The following WBP2NL variants were observed in gnomAD, a reference collection of about 807,000 sequenced individuals.
WBP2NL encodes the protein postacrosomal sheath WW domain-binding protein.
Under a neutral mutation model 23.3 loss-of-function variants are expected in WBP2NL, and 27 were observed. That is an observed-to-expected ratio of 1.16 (90% CI 0.85 to 1.60). The LOEUF is 1.60. Ranked by LOEUF, WBP2NL falls within the 40% of genes most tolerant of loss-of-function variation. The pLI is 0.00. For synonymous variants in WBP2NL, 151 were observed against 145.9 expected, an observed-to-expected ratio of 1.03 and a Z score of -0.25; for missense variants, 370 against 389.5, an observed-to-expected ratio of 0.95 and a Z score of 0.42.
chr22:42,027,160 C>T lies in WBP2NL; in HGVS notation c.909C>T (p.Ser303=), dbSNP rs1363851936. The change falls in exon 6 of 6, where the codon TCC becomes TCT. Residue 303 remains serine, a synonymous_variant. Coordinates refer to ENST00000328823, the MANE Select transcript of WBP2NL (RefSeq NM_152613.3). ...ACGAGGCTTCTCTTCCCTCTGCCTC[C>T]TCTTCTCAGGTCCATTCTTAACCTT... ...PENEASLPSA[S]SSQVHS 1.2e-6 allele frequency: 2 copies of T among 1,613,432 alleles called. No individual in the cohort carries two copies. The highest frequency in any genetic ancestry group is 1.1e-5 in the South Asian group (1 of 91,062).
chr22:42,017,918 G>A (rs1218943884), intron 1 of WBP2NL, among the ~76,000 whole-genome samples: 1 of 152,078 alleles, frequency 6.6e-6, no homozygotes, highest in Non-Finnish European at 1.5e-5. Flanking sequence ...GGAGGTCGAG[G>A]CGGGCGGATC....
At chr22:42,040,736 C>T (rs1925372209) in intron 8 of WBP2NL, among the ~76,000 whole-genome samples, 1 of 152,050 alleles carries the variant, frequency 6.6e-6, no homozygotes, top group Non-Finnish European at 1.5e-5. Flanking sequence ...CTTTATGTTA[C>T]CGATTTCTAG....
chr22:42,020,203 C>A, intron 4 of WBP2NL, 107 bp downstream of exon 4: 2 of 1,152,288 alleles, frequency 1.7e-6, no homozygotes, highest in Non-Finnish European at 2.5e-6. Flanking sequence ...GTTTTTGAGA[C>A]AGGGATTTTT....
At chr22:42,050,942 C>T (rs549738399) in intron 8 of WBP2NL, among the ~76,000 whole-genome samples, 40 of 152,276 alleles carry the variant, frequency 2.6e-4, no homozygotes, top group African/African-American at 9.4e-4. Context: ...AACTGTCTTC[C>T]AAACTAAATA....
rs149545372 is a variant in WBP2NL, at chr22:42,056,958, G to A, written c.*274-1332G>A. Reference sequence around the variant, plus strand: ...TCTTATTGAGACTCCCTTGTGTGATGAGTTGCTTTTATCTTGCCTCTTTCA... The same window carrying A: ...TCTTATTGAGACTCCCTTGTGTGATAAGTTGCTTTTATCTTGCCTCTTTCA... On this transcript the variant is annotated intron_variant and NMD_transcript_variant, in intron 8 of 8. Coordinates refer to the WBP2NL transcript ENST00000436265. Among the ~76,000 whole-genome samples the A allele has an allele frequency of 1.3e-3, 199 of 152,240 alleles. 1 individual carries two copies. Among genetic ancestry groups the A allele is most frequent in the African/African-American group, 4.6e-3 (192 of 41,544 alleles).
chr22:42,049,702 AAAC>A (rs1485551887), intron 8 of WBP2NL, among the ~76,000 whole-genome samples: 752 of 40,980 alleles, frequency 0.018, 83 homozygotes, highest in African/African-American at 0.07. Flanking sequence ...AAACAAAACA[AAAC>A]AAAAAAAAAA....
chr22:42,050,491 T>C (rs1029465608), intron 8 of WBP2NL, among the ~76,000 whole-genome samples: 3 of 151,682 alleles, frequency 2.0e-5, no homozygotes, highest in Non-Finnish European at 4.4e-5. Context: ...ACTAAAAATA[T>C]ATAAAAATTA....
intron 5 of WBP2NL, among the ~76,000 whole-genome samples, chr22:42,025,744 G>A (rs1924414621): frequency 6.6e-6 from 1 of 152,132 alleles, no homozygotes; most frequent in Non-Finnish European, 1.5e-5. Flanking sequence ...TTGGATTAAA[G>A]CAAAATAACT....
chr22:42,056,244 C>T lies in WBP2NL; in HGVS notation c.*274-2046C>T, dbSNP rs191406876. The stretch of plus-strand genomic sequence containing the variant: ...ACATCTTATTCTGAACTATCTCATT[C>T]TGATTAATACTAATTCATGCCACTT... On this transcript the variant is annotated intron_variant and NMD_transcript_variant, in intron 8 of 8. Transcript: ENST00000436265. Among the ~76,000 whole-genome samples the T allele has an allele frequency of 2.7e-3, 402 of 151,386 alleles. 1 individual carries two copies. In the Middle Eastern group the frequency reaches 0.031, roughly 12 times the overall value.
chr22:42,026,984 T>C lies in WBP2NL; in HGVS notation c.733T>C (p.Tyr245His), dbSNP rs1924571923. 1.2e-6 allele frequency: 2 copies of C among 1,612,956 alleles called. No homozygotes were observed. The highest frequency in any genetic ancestry group is 8.5e-7 in the Non-Finnish European group (1 of 1,179,538). Residue 245 changes from tyrosine (Y) to histidine (H), a missense_variant, in exon 6 of 6, where the codon TAT becomes CAT. Transcript: ENST00000328823. The part of the protein sequence containing the change: ...PLGYGAPPLG[Y>H]GTPPLGYGAP... Reference sequence around the variant, plus strand: ...AGGATATGGAGCCCCACCTCTTGGATATGGAACCCCACCTCTCGGATATGG... The same window carrying C: ...AGGATATGGAGCCCCACCTCTTGGACATGGAACCCCACCTCTCGGATATGG...
At chr22:42,047,396 C>G (rs370640596) in intron 8 of WBP2NL, among the ~76,000 whole-genome samples, 1 of 151,724 alleles carries the variant, frequency 6.6e-6, no homozygotes, top group African/African-American at 2.4e-5. Flanking sequence ...TCGAGACCAG[C>G]CTGGCCAACA....
chr22:42,047,593 C>A (rs1055959304), intron 8 of WBP2NL, among the ~76,000 whole-genome samples: 13 of 149,938 alleles, frequency 8.7e-5, no homozygotes, highest in African/African-American at 2.9e-4. Context: ...AACAAAAAAC[C>A]CCCCGCCTCC....
chr22:42,014,081 C>T (rs111939506), intron 1 of WBP2NL, among the ~76,000 whole-genome samples: 9 of 151,792 alleles, frequency 5.9e-5, no homozygotes, highest in Admixed American at 3.9e-4. Flanking sequence ...CGCACCCCAC[C>T]GGCAAATTTT....
At chr22:42,022,001 T>A (rs192768665) in intron 4 of WBP2NL, among the ~76,000 whole-genome samples, 1 of 152,170 alleles carries the variant, frequency 6.6e-6, no homozygotes, top group African/African-American at 2.4e-5. Flanking sequence ...GGTCTTGCCA[T>A]GTTGCCCAGG....
chr22:42,040,746 G>C (rs1426594485), intron 8 of WBP2NL, among the ~76,000 whole-genome samples: 1 of 152,094 alleles, frequency 6.6e-6, no homozygotes, highest in African/African-American at 2.4e-5. Flanking sequence ...CCGATTTCTA[G>C]TTCTTTCCAC....
In WBP2NL at chr22:42,002,027, G is replaced by A. The variant is rs901417414; in HGVS notation, c.62+3147G>A. 63 of 577,944 alleles carry A rather than the reference G, an allele frequency of 1.1e-4. No homozygotes were observed. In the East Asian group the frequency reaches 1.4e-3, roughly 13 times the overall value. The allele number at this position is 577,944 out of a possible 1,614,324, so 35.8% of individuals were successfully genotyped here. A position where few individuals can be genotyped will look rare whatever the true frequency, so the allele number is the denominator to read the frequency against. ...TGGTCCGAGAATCGGCTTTGACTCC[G>A]GGGCTGATTGTGAAGTCATTTCTAA... On this transcript the variant is annotated intron_variant, in intron 1 of 5. Coordinates refer to ENST00000328823, the MANE Select transcript of WBP2NL (RefSeq NM_152613.3).
chr22:42,032,104 T>C (rs1924986783), downstream of WBP2NL: 1 of 152,236 alleles, frequency 6.6e-6, no homozygotes, highest in Non-Finnish European at 1.5e-5. Flanking sequence ...GTTGGTGGGC[T>C]TCTCACAAAT....
intron 8 of WBP2NL, among the ~76,000 whole-genome samples, chr22:42,049,713 A>C (rs1476428315): frequency 3.8e-4 from 54 of 140,412 alleles, no homozygotes; most frequent in Non-Finnish European, 6.1e-4. Context: ...AACAAAAAAA[A>C]AAAAAAAAAA....
chr22:42,049,695 C>CAA (rs1569455101), intron 8 of WBP2NL, among the ~76,000 whole-genome samples: 490 of 22,636 alleles, frequency 0.022, 26 homozygotes, highest in African/African-American at 0.04. Flanking sequence ...GTCTCCAAAA[C>CAA]AAAACAAAAC....
Sources: allele counts gnomAD v4.1 joint callset (sites outside exome capture counted in the v4.1 genomes callset), GRCh38; gene constraint gnomAD v4.1.1; transcripts MANE v1.5; gene names NCBI Gene and HGNC (gene_info 2026-07-23, HGNC 2026-07-21).